Variants in PLXNB1 observed in about 807,000 individuals in gnomAD.
PLXNB1 encodes plexin B1, also known as plexin-B1.
In PLXNB1, 106 loss-of-function variants were observed where a neutral mutation model predicts 209.4. The observed-to-expected ratio is 0.51, with a 90% CI of 0.43 to 0.59. The LOEUF is 0.59. PLXNB1 is among the 20% of genes least tolerant of loss of function. PLXNB1 has a pLI of 0.00. For synonymous variants in PLXNB1, 1,167 were observed against 1,183.2 expected, an observed-to-expected ratio of 0.99 and a Z score of 0.28; for missense variants, 2,357 against 2,853.2, an observed-to-expected ratio of 0.83 and a Z score of 3.96.
In PLXNB1 at chr3:48,405,624, G is replaced by T; in HGVS notation, c.6303+100C>A. The T allele has an allele frequency of 1.1e-6, 1 of 927,014 alleles. No homozygotes were observed. The highest frequency in any genetic ancestry group is 1.7e-6 in the Non-Finnish European group (1 of 593,234). The allele number at this position is 927,014 out of a possible 1,614,324, so 57.4% of individuals were successfully genotyped here. A position where few individuals can be genotyped will look rare whatever the true frequency, so the allele number is the denominator to read the frequency against. ...GGCCCCCCACTACTCTGTCCCTGGG[G>T]AAGACCAAAGCCCCCAACGTGAGTC... On this transcript the variant is annotated intron_variant, in intron 37 of 37. Coordinates refer to ENST00000296440, the MANE Select transcript of PLXNB1 (RefSeq NM_001130082.3). The surrounding 1 kb of genome is among the most constrained non-coding windows in gnomAD (Gnocchi z 5.0).
Position 48,414,925 on chromosome 3 carries a change from G to A in PLXNB1, c.4083C>T (p.Val1361=). Residue 1361 remains valine, a synonymous_variant, in exon 21 of 38, where the codon GTC becomes GTT. Transcript: ENST00000296440. The part of the protein sequence containing the change: ...VRVEFILDNL[V]FDFATLNPTP... Reference sequence around the variant, plus strand: ...TGGGGTTCAGTGTTGCAAAGTCAAAGACCAGGTTGTCAAGGATAAATTCCA... The same window carrying A: ...TGGGGTTCAGTGTTGCAAAGTCAAAAACCAGGTTGTCAAGGATAAATTCCA... The A allele has an allele frequency of 6.2e-7, 1 of 1,614,024 alleles. No individual in the cohort carries two copies. The highest frequency in any genetic ancestry group is 8.5e-7 in the Non-Finnish European group (1 of 1,180,044).
Position 48,424,339 on chromosome 3 carries a change from G to A in PLXNB1, c.273C>T (p.Ala91=), listed in dbSNP as rs2038763896. 1 of 1,554,876 alleles carries A rather than the reference G, an allele frequency of 6.4e-7. No individual in the cohort carries two copies. Among genetic ancestry groups the A allele is most frequent in the Admixed American group, 1.9e-5 (1 of 51,288 alleles). Residue 91 remains alanine (A), a synonymous_variant, in exon 3 of 38, where the codon GCC becomes GCT. Coordinates refer to ENST00000296440, the MANE Select transcript of PLXNB1 (RefSeq NM_001130082.3). ...PPVMPDECPQ[A]QPTNNPNQLL... Reference sequence around the variant, plus strand: ...GCTGATTCGGGTTGTTGGTAGGCTGGGCCTGGGGGCACTCATCAGGCATCA... The same window carrying A: ...GCTGATTCGGGTTGTTGGTAGGCTGAGCCTGGGGGCACTCATCAGGCATCA...
At chr3:48,426,974 C>T (rs1296873283) in intron 1 of PLXNB1, among the ~76,000 whole-genome samples, 1 of 152,208 alleles carries the variant, frequency 6.6e-6, no homozygotes, top group East Asian at 1.9e-4. Context: ...GTTCAATTCT[C>T]CTGCCACCGC....
At position 48,404,605 on chromosome 3, in the gene PLXNB1, A is replaced by C. The variant is rs1368172046; in HGVS notation, c.6304-15T>G. On this transcript the variant is annotated splice_polypyrimidine_tract_variant and intron_variant, in intron 37 of 37. Coordinates refer to ENST00000296440, the MANE Select transcript of PLXNB1 (RefSeq NM_001130082.3). Reference sequence around the variant, plus strand: ...GCAGTGATGATCTGAAACAGAGACCAATGCCATCAGGGGAGACTTCTTTGG... The same window carrying C: ...GCAGTGATGATCTGAAACAGAGACCCATGCCATCAGGGGAGACTTCTTTGG... The C allele has an allele frequency of 1.3e-6, 2 of 1,575,238 alleles. No individual in the cohort carries two copies. The highest frequency in any genetic ancestry group is 1.7e-6 in the Non-Finnish European group (2 of 1,147,356).
At chr3:48,424,665 G>GC in intron 2 of PLXNB1, 48 bp from the exon 3 acceptor site, 3 of 1,507,960 alleles carry the variant, frequency 2.0e-6, no homozygotes, top group Non-Finnish European at 2.7e-6. Context: ...GGCCGCCAGA[G>GC]CACCCTGGGG....
Position 48,409,347 on chromosome 3 carries a change from G to A in PLXNB1, c.6069C>T (p.Ala2023=), listed in dbSNP as rs138316132. The stretch of plus-strand genomic sequence containing the variant: ...CGCTCACCCGGCCCAGCTTGTGGTC[G>A]GCCAGGGTGCAGGCGTCCATGAAGG... ...AQTFMDACTL[A]DHKLGRDSPI... is the part of the protein sequence containing the mutation. The change falls in exon 34 of 38, where the codon GCC becomes GCT. Residue 2023 remains alanine (A), a synonymous_variant. Coordinates refer to ENST00000296440, the MANE Select transcript of PLXNB1 (RefSeq NM_001130082.3). The surrounding 1 kb of genome is among the most constrained non-coding windows in gnomAD (Gnocchi z 5.8). 6.6e-5 allele frequency: 106 copies of A among 1,614,108 alleles called. No individual in the cohort carries two copies. The highest frequency in any genetic ancestry group is 6.0e-4 in the South Asian group (55 of 91,078).
At chr3:48,414,188 C>G in intron 21 of PLXNB1, 117 bp from the exon 22 acceptor site, 2 of 941,964 alleles carry the variant, frequency 2.1e-6, no homozygotes, top group Non-Finnish European at 3.3e-6. Flanking sequence ...AGCCTCTCAG[C>G]ACCCTTCCCG....
Position 48,409,509 on chromosome 3 carries a change from G to T in PLXNB1, c.5940-33C>A, listed in dbSNP as rs778314348. ...TGGGGCAGGCATGGCCGATGAATGT[G>T]CTGGGGAGGCAGAAGAGAAGACCCC... On this transcript the variant is annotated intron_variant, in intron 33 of 37. Coordinates refer to ENST00000296440, the MANE Select transcript of PLXNB1 (RefSeq NM_001130082.3). This position sits in a 1 kb window ranked among gnomAD's most constrained non-coding sequence, Gnocchi z 5.8. 6.2e-7 allele frequency: 1 copy of T among 1,614,072 alleles called. No individual in the cohort carries two copies. The highest frequency in any genetic ancestry group is 1.1e-5 in the South Asian group (1 of 91,072).
In PLXNB1 at chr3:48,429,664, C is replaced by A. The variant is rs553498299; in HGVS notation, c.-60+344G>T. Among the ~76,000 whole-genome samples, 2 of 151,986 alleles carry A rather than the reference C, an allele frequency of 1.3e-5. 1 individual carries two copies. The highest frequency in any genetic ancestry group is 4.8e-5 in the African/African-American group (2 of 41,408). On this transcript the variant is annotated intron_variant, in intron 1 of 37. Transcript: ENST00000296440. This position sits in a 1 kb window ranked among gnomAD's most constrained non-coding sequence, Gnocchi z 6.4. ...CGGGGGAGGGCGGGGGCGGGCTGCA[C>A]CGCGGCGGTCGCCATGGCAACGCGG...
chr3:48,422,931 T>A lies in PLXNB1; in HGVS notation c.1124A>T (p.Tyr375Phe). 6.2e-7 allele frequency: 1 copy of A among 1,613,794 alleles called. No homozygotes were observed. Among genetic ancestry groups the A allele is most frequent in the Non-Finnish European group, 8.5e-7 (1 of 1,179,892 alleles). Residue 375 changes from tyrosine (Y) to phenylalanine (F), a missense_variant, in exon 4 of 38, where the codon TAT becomes TTT. Transcript: ENST00000296440. ...GGGCGTGTGGTCTGAGCCACAGGGA[T>A]AAGCATCCAGGGTGTCCTATAGGCA... ...AQLPVDTLDAYPCGSDHTPSP... is the reference protein window; with the variant it reads ...AQLPVDTLDAFPCGSDHTPSP...
In PLXNB1 at chr3:48,420,779, C is replaced by T. The variant is rs567576960; in HGVS notation, c.1920-6G>A. 3.7e-6 allele frequency: 6 copies of T among 1,613,822 alleles called. No individual in the cohort carries two copies. The highest frequency in any genetic ancestry group is 4.2e-6 in the Non-Finnish European group (5 of 1,179,784). On this transcript the variant is annotated splice_polypyrimidine_tract_variant and splice_region_variant and intron_variant, in intron 9 of 37. Coordinates refer to ENST00000296440, the MANE Select transcript of PLXNB1 (RefSeq NM_001130082.3). ...TGCTCACACAGGCCTGGCACCTGCACAGAGCACAGCCATGGGGCAAGGGTC... is the reference window on the plus strand; with the variant it reads ...TGCTCACACAGGCCTGGCACCTGCATAGAGCACAGCCATGGGGCAAGGGTC...
Position 48,420,739 on chromosome 3 carries a change from T to A in PLXNB1, c.1954A>T (p.Asn652Tyr), listed in dbSNP as rs371644872. The change falls in exon 10 of 38, where the codon AAC becomes TAC. Residue 652 changes from asparagine to tyrosine, a missense_variant. Asn to Tyr is a moderately radical substitution (Grantham distance 143). Coordinates refer to ENST00000296440, the MANE Select transcript of PLXNB1 (RefSeq NM_001130082.3). Reference protein sequence around the residue: ...QACVSSRWGCNWCVWQHLCTH... With the variant: ...QACVSSRWGCYWCVWQHLCTH... ...CACAGGTGCTGCCAGACACACCAGTTACACCCCCAGCGGCTGCTCACACAG... is the reference window on the plus strand; with the variant it reads ...CACAGGTGCTGCCAGACACACCAGTAACACCCCCAGCGGCTGCTCACACAG... 5 of 1,614,078 alleles carry A rather than the reference T, an allele frequency of 3.1e-6. No homozygotes were observed. The highest frequency in any genetic ancestry group is 4.2e-6 in the Non-Finnish European group (5 of 1,179,982).
Position 48,420,850 on chromosome 3 carries a change from C to A in PLXNB1, c.1917G>T (p.Ala639=), listed in dbSNP as rs773208409. The change falls in exon 9 of 38, where the codon GCG becomes GCT. Residue 639 remains alanine, a splice_region_variant and synonymous_variant. Coordinates refer to ENST00000296440, the MANE Select transcript of PLXNB1 (RefSeq NM_001130082.3). ...TGGGGACAGGGCGAGGAACTCACTG[C>A]GCAGATGGGCGGAGTTCAGTGACCG... ...CVAVTELRPS[A]QCQACVSSRW... is the part of the protein sequence containing the mutation. 6 of 1,613,278 alleles carry A rather than the reference C, an allele frequency of 3.7e-6. No homozygotes were observed. Among genetic ancestry groups the A allele is most frequent in the Non-Finnish European group, 5.1e-6 (6 of 1,179,398 alleles).
At chr3:48,426,241 G>A (rs574795671) in intron 1 of PLXNB1, among the ~76,000 whole-genome samples, 1 of 152,290 alleles carries the variant, frequency 6.6e-6, no homozygotes, top group East Asian at 1.9e-4. Flanking sequence ...CCCAGACTTT[G>A]GGTGCCTGCT....
At position 48,404,384 on chromosome 3, in the gene PLXNB1, C is replaced by T; in HGVS notation, c.*102G>A. 1 of 692,182 alleles carries T rather than the reference C, an allele frequency of 1.4e-6. No homozygotes were observed. Among genetic ancestry groups the T allele is most frequent in the South Asian group, 1.8e-5 (1 of 54,132 alleles). 42.9% of individuals were successfully genotyped at this position (692,182 alleles called of 1,614,324 possible). A position where few individuals can be genotyped will look rare whatever the true frequency, so the allele number is the denominator to read the frequency against. On this transcript the variant is annotated 3_prime_UTR_variant, in exon 38 of 38. Coordinates refer to ENST00000296440, the MANE Select transcript of PLXNB1 (RefSeq NM_001130082.3). Reference sequence around the variant, plus strand: ...TGGGAGTCACCTTCCACTAACTCTGCTTGTCAGTCACTACAGGCACCTAAG... The same window carrying T: ...TGGGAGTCACCTTCCACTAACTCTGTTTGTCAGTCACTACAGGCACCTAAG...
At position 48,420,144 on chromosome 3, in the gene PLXNB1, C is replaced by A. The variant is rs1174002253; in HGVS notation, c.2142G>T (p.Gly714=). 6.2e-7 allele frequency: 1 copy of A among 1,611,280 alleles called. No individual in the cohort carries two copies. The highest frequency in any genetic ancestry group is 1.7e-5 in the Admixed American group (1 of 59,778). The part of the protein sequence containing the change: ...PAPDTLPVEP[G]APSTATASDI... ...CCGAAGCTGTGGCTGTGGAGGGAGC[C>A]CCAGGCTCCACGGGAAGGGTGTCAG... is the stretch of plus-strand genomic sequence containing the variant. The change falls in exon 11 of 38, where the codon GGG becomes GGT. Residue 714 remains glycine (G), a synonymous_variant. Transcript: ENST00000296440.
rs774577806 is a variant in PLXNB1 at position 48,415,634 on chromosome 3, T to A, written c.3743A>T (p.Tyr1248Phe). 1.3e-6 allele frequency: 2 copies of A among 1,583,002 alleles called. No homozygotes were observed. The highest frequency in any genetic ancestry group is 8.6e-7 in the Non-Finnish European group (1 of 1,164,500). Residue 1248 changes from tyrosine (Y) to phenylalanine (F), a missense_variant, in exon 19 of 38, where the codon TAT (tyrosine) becomes TTT (phenylalanine). By Grantham distance (22) the Tyr-to-Phe change is conservative. This residue lies in a region of PLXNB1 where 743 missense variants were observed against 896.2 expected (regional missense o/e 0.83). Transcript: ENST00000296440. The surrounding 1 kb of genome is among the most constrained non-coding windows in gnomAD (Gnocchi z 5.0). ...AGAGGTGATGTTGGGGTCCAAGGTA[T>A]ACTTGAACTGTCCGCGTTGAAGCCT... ...ERRLQRGQFK[Y>F]TLDPNITSAG...
At chr3:48,414,391 C>T (rs1431129852) in intron 21 of PLXNB1, among the ~76,000 whole-genome samples, 1 of 152,222 alleles carries the variant, frequency 6.6e-6, no homozygotes, top group African/African-American at 2.4e-5. Flanking sequence ...GATGCTGTAT[C>T]AACCTGTGGT....
chr3:48,404,275 AG>A lies in PLXNB1; in HGVS notation c.*210del. 1 of 544,206 alleles carries A rather than the reference AG, an allele frequency of 1.8e-6. No homozygotes were observed. 33.7% of individuals were successfully genotyped at this position (544,206 alleles called of 1,614,324 possible). A position where few individuals can be genotyped will look rare whatever the true frequency, so the allele number is the denominator to read the frequency against. The stretch of plus-strand genomic sequence containing the variant: ...CACAGGGTCGCTGGACTCGGGGAGC[AG>A]GCTGGGTACTACCCCATGAGCCTTG... On this transcript the variant is annotated 3_prime_UTR_variant, in exon 38 of 38. Transcript: ENST00000296440.
Sources: allele counts gnomAD v4.1 joint callset (sites outside exome capture counted in the v4.1 genomes callset), GRCh38; gene constraint gnomAD v4.1.1; regional missense constraint gnomAD v4.1.1; non-coding constraint Gnocchi (gnomAD v3.1); transcripts MANE v1.5; gene names NCBI Gene and HGNC (gene_info 2026-07-23, HGNC 2026-07-21).